Variants in MBOAT2 observed in about 807,000 individuals in gnomAD.
The protein encoded by MBOAT2 is membrane-bound glycerophospholipid O-acyltransferase 2.
MBOAT2 carries 28 observed loss-of-function variants against 63.4 expected under a neutral mutation model. That is an observed-to-expected ratio of 0.44 (90% CI 0.33 to 0.61). The LOEUF (loss-of-function observed/expected upper bound fraction) is 0.61, where lower values mean the gene tolerates loss of function less well. MBOAT2 is among the 20% of genes least tolerant of loss of function. MBOAT2 has a pLI of 0.03. For synonymous variants in MBOAT2, 211 were observed against 215.6 expected (o/e 0.98, Z 0.19); for missense variants, 470 against 605.8 (o/e 0.78, Z 2.35).
chr2:8,862,527 A>G lies in MBOAT2; in HGVS notation c.1185+63T>C. On this transcript the variant is annotated intron_variant, in intron 11 of 12. Transcript: ENST00000305997. This position sits in a 1 kb window ranked among gnomAD's most constrained non-coding sequence, Gnocchi z 4.3. ...AGGGTCTACCTTGTAAGAGAGATGT[A>G]CTCAGCCTTTTTAACAGTTCAAGTG... 6.5e-7 allele frequency: 1 copy of G among 1,549,626 alleles called. No individual in the cohort carries two copies. The highest frequency in any genetic ancestry group is 8.8e-7 in the Non-Finnish European group (1 of 1,141,694).
intron 2 of MBOAT2, among the ~76,000 whole-genome samples, chr2:8,949,365 T>C (rs1668650466): frequency 6.6e-6 from 1 of 152,210 alleles, no homozygotes; most frequent in Non-Finnish European, 1.5e-5. Flanking sequence ...ATTTTTGTTT[T>C]TGTTGCAATT....
intron 4 of MBOAT2, among the ~76,000 whole-genome samples, chr2:8,897,665 T>C (rs542033112): frequency 1.3e-5 from 2 of 152,326 alleles, no homozygotes; most frequent in African/African-American, 2.4e-5. Context: ...CTGCCCTTCA[T>C]ATCCCATTCT....
At chr2:8,865,000 T>C (rs1458633243) in intron 9 of MBOAT2, among the ~76,000 whole-genome samples, 1 of 152,136 alleles carries the variant, frequency 6.6e-6, no homozygotes, top group Non-Finnish European at 1.5e-5. Flanking sequence ...TAATTCCAGA[T>C]CAAACACACC....
intron 1 of MBOAT2, among the ~76,000 whole-genome samples, chr2:8,978,225 A>G (rs968099960): frequency 1.3e-5 from 2 of 152,032 alleles, no homozygotes; most frequent in Non-Finnish European, 2.9e-5. Context: ...CGTCTCCAAC[A>G]CACTCAACTC....
intron 1 of MBOAT2, among the ~76,000 whole-genome samples, chr2:8,962,283 G>A (rs926778201): frequency 1.3e-5 from 2 of 152,048 alleles, no homozygotes. Flanking sequence ...CCTGACCACT[G>A]CATTATACTG....
intron 7 of MBOAT2, 143 bp from the exon 8 acceptor site, chr2:8,873,443 TG>T: frequency 2.4e-6 from 2 of 829,462 alleles, no homozygotes; most frequent in Non-Finnish European, 3.6e-6. Flanking sequence ...ACATTGCACT[TG>T]GCATTTAAAG....
chr2:8,891,141 C>T (rs1663961564), intron 4 of MBOAT2, among the ~76,000 whole-genome samples: 1 of 152,332 alleles, frequency 6.6e-6, no homozygotes, highest in South Asian at 2.1e-4. Flanking sequence ...TAGCTCAACA[C>T]ATTCCCTTTG....
chr2:8,992,166 G>T (rs2103364401), intron 1 of MBOAT2, among the ~76,000 whole-genome samples: 1 of 152,270 alleles, frequency 6.6e-6, no homozygotes, highest in South Asian at 2.1e-4. Context: ...TTTATTGCAG[G>T]TCTTTACATC....
At chr2:8,982,670 A>G (rs1671281864) in intron 1 of MBOAT2, among the ~76,000 whole-genome samples, 1 of 152,210 alleles carries the variant, frequency 6.6e-6, no homozygotes, top group Non-Finnish European at 1.5e-5. Context: ...GATCTCCCCA[A>G]AAGTGACCAT....
intron 1 of MBOAT2, among the ~76,000 whole-genome samples, chr2:8,963,658 A>C (rs1669786300): frequency 6.6e-6 from 1 of 152,196 alleles, no homozygotes; most frequent in Admixed American, 6.5e-5. Context: ...AATTATATAA[A>C]TCTGTATATT....
In MBOAT2 at chr2:8,868,598, T is replaced by C. The variant is rs751377040; in HGVS notation, c.884-49A>G. The C allele has an allele frequency of 2.8e-6, 4 of 1,416,362 alleles. No individual in the cohort carries two copies. The African/African-American group carries it at 5.7e-5, about 20-fold the overall frequency. 87.7% of individuals were successfully genotyped at this position (1,416,362 alleles called of 1,614,324 possible). On this transcript the variant is annotated intron_variant, in intron 8 of 12. Transcript: ENST00000305997. ...AAGTATTAAGAATCTCCATAACAAT[T>C]TACCATATTCTCCCAGAAGGTATGT...
chr2:8,936,424 C>A (rs767392326), intron 3 of MBOAT2, among the ~76,000 whole-genome samples: 10 of 152,206 alleles, frequency 6.6e-5, no homozygotes, highest in Non-Finnish European at 1.3e-4. Flanking sequence ...TAATTCCATA[C>A]ACAGCAAGGC....
chr2:8,879,025 G>A (rs1159344734), intron 6 of MBOAT2, among the ~76,000 whole-genome samples: 2 of 144,902 alleles, frequency 1.4e-5, no homozygotes, highest in African/African-American at 5.2e-5. Flanking sequence ...GCAGTGAGCC[G>A]AGATCCCGCC....
intron 4 of MBOAT2, among the ~76,000 whole-genome samples, chr2:8,897,595 T>C (rs753252136): frequency 1.3e-5 from 2 of 152,254 alleles, no homozygotes; most frequent in Non-Finnish European, 2.9e-5. Flanking sequence ...AATTGGGCAC[T>C]GGTCCCTGGG....
intron 4 of MBOAT2, among the ~76,000 whole-genome samples, chr2:8,905,280 T>C (rs567283235): frequency 9.2e-5 from 14 of 152,338 alleles, no homozygotes; most frequent in African/African-American, 3.4e-4. Flanking sequence ...TTCCCTGTGC[T>C]TGAATACTTC....
At chr2:8,863,392 T>C (rs1661626318) in intron 10 of MBOAT2, among the ~76,000 whole-genome samples, 1 of 152,294 alleles carries the variant, frequency 6.6e-6, no homozygotes, top group Non-Finnish European at 1.5e-5. Flanking sequence ...CCGTTTTTTA[T>C]GAAGTAAATT....
intron 1 of MBOAT2, among the ~76,000 whole-genome samples, chr2:8,963,912 C>CA (rs1669804012): frequency 6.6e-6 from 1 of 152,336 alleles, no homozygotes; most frequent in Admixed American, 6.5e-5. Context: ...GTGCAGCGCA[C>CA]TGTGCTTTAC....
chr2:8,890,174 G>C (rs1222078142), intron 4 of MBOAT2, among the ~76,000 whole-genome samples: 1 of 152,104 alleles, frequency 6.6e-6, no homozygotes, highest in African/African-American at 2.4e-5. Flanking sequence ...ACTCTTCCTC[G>C]AAGCATTTTA....
intron 1 of MBOAT2, among the ~76,000 whole-genome samples, chr2:8,972,067 C>T (rs542868400): frequency 2.3e-3 from 353 of 152,274 alleles, no homozygotes; most frequent in South Asian, 7.9e-3. Context: ...CAAGACAATC[C>T]TAAGCCAAAA....
Sources: allele counts gnomAD v4.1 joint callset (sites outside exome capture counted in the v4.1 genomes callset), GRCh38; gene constraint gnomAD v4.1.1; non-coding constraint Gnocchi (gnomAD v3.1); transcripts MANE v1.5; gene names NCBI Gene and HGNC (gene_info 2026-07-23, HGNC 2026-07-21).